The following PDE4D variants were observed in gnomAD, a reference collection of about 807,000 sequenced individuals.
PDE4D encodes 3',5'-cyclic-AMP phosphodiesterase 4D.
Under a neutral mutation model 87.4 loss-of-function variants are expected in PDE4D, and 24 were observed. That is an observed-to-expected ratio of 0.27 (90% CI 0.20 to 0.39). The LOEUF (loss-of-function observed/expected upper bound fraction) is 0.39, where lower values mean the gene tolerates loss of function less well. Ranked by LOEUF, PDE4D falls within the 10% of genes least tolerant of loss-of-function variation. The pLI, the probability that PDE4D is intolerant of heterozygous loss-of-function variation, is 1.00. For missense variants in PDE4D, 714 were observed against 1,041.0 expected (o/e 0.69, Z 4.32); for synonymous variants, 384 against 383.2 (o/e 1.00, Z -0.02).
intron 1 of PDE4D, among the ~76,000 whole-genome samples, chr5:59,757,510 C>T (rs1192095945): frequency 6.6e-6 from 1 of 152,096 alleles, no homozygotes; most frequent in Non-Finnish European, 1.5e-5. Flanking sequence ...TGAAGGCTGG[C>T]AAAGTGGAAA....
intron 2 of PDE4D, among the ~76,000 whole-genome samples, chr5:60,081,877 CAA>C (rs1283116703): frequency 6.6e-6 from 1 of 152,154 alleles, no homozygotes; most frequent in African/African-American, 2.4e-5. Flanking sequence ...AAGTGACTAA[CAA>C]AAGTCTTCTC....
At chr5:59,611,029 G>A (rs1000514095) in intron 1 of PDE4D, among the ~76,000 whole-genome samples, 3 of 152,196 alleles carry the variant, frequency 2.0e-5, no homozygotes, top group Middle Eastern at 6.8e-3. Context: ...AATACATCAT[G>A]GATTCGTACT....
chr5:60,401,832 T>G (rs1480506551), intron 1 of PDE4D, among the ~76,000 whole-genome samples: 3 of 152,242 alleles, frequency 2.0e-5, no homozygotes, highest in Non-Finnish European at 4.4e-5. Flanking sequence ...TCAACAGATA[T>G]GTCTAGCCCA....
In PDE4D at chr5:59,125,342, T is replaced by C. The variant is rs949081336; in HGVS notation, c.808+55253A>G. ...AAGAAATTAACACACCTGAAAAGGA[T>C]TAAATTATTTTTCCTTTTCAAAATG... On this transcript the variant is annotated intron_variant, in intron 5 of 14. Coordinates refer to ENST00000340635, the MANE Select transcript of PDE4D (RefSeq NM_001104631.2). 4 of 869,950 alleles carry C rather than the reference T, an allele frequency of 4.6e-6. No individual in the cohort carries two copies. The East Asian group carries it at 4.8e-4, about 105-fold the overall frequency. The allele number at this position is 869,950 out of a possible 1,614,324, so 53.9% of individuals were successfully genotyped here.
At chr5:59,260,448 A>G (rs917559408) in intron 1 of PDE4D, among the ~76,000 whole-genome samples, 2 of 151,852 alleles carry the variant, frequency 1.3e-5, no homozygotes, top group Non-Finnish European at 2.9e-5. Flanking sequence ...TACATTTCCT[A>G]TATTCTTTCT....
At chr5:59,189,351 G>A (rs908414120) in intron 3 of PDE4D, among the ~76,000 whole-genome samples, 2 of 145,016 alleles carry the variant, frequency 1.4e-5, no homozygotes, top group Non-Finnish European at 3.0e-5. Context: ...CTGGGTTCAA[G>A]TTATTCTCCC....
chr5:59,492,307 A>C (rs1806368807), intron 1 of PDE4D, among the ~76,000 whole-genome samples: 2 of 152,228 alleles, frequency 1.3e-5, no homozygotes, highest in South Asian at 4.1e-4. Context: ...GAATTTATTC[A>C]AGATTACCTA....
At chr5:59,845,218 G>A (rs1391277618) in intron 1 of PDE4D, among the ~76,000 whole-genome samples, 1 of 152,022 alleles carries the variant, frequency 6.6e-6, no homozygotes, top group Non-Finnish European at 1.5e-5. Flanking sequence ...ATAATGAATG[G>A]TGCTTTAAGC....
intron 1 of PDE4D, among the ~76,000 whole-genome samples, chr5:59,831,992 C>T (rs530847932): frequency 1.3e-5 from 2 of 152,200 alleles, no homozygotes; most frequent in Admixed American, 6.5e-5. Flanking sequence ...GGCAGCCATT[C>T]ATATAGAAAT....
intron 1 of PDE4D, among the ~76,000 whole-genome samples, chr5:59,395,541 C>T (rs1365560039): frequency 6.6e-6 from 1 of 151,714 alleles, no homozygotes; most frequent in Non-Finnish European, 1.5e-5. Context: ...AGAAGGAAAA[C>T]TAACAAACAG....
intron 1 of PDE4D, among the ~76,000 whole-genome samples, chr5:60,337,388 T>TATATATATATATATATACACAC (rs66871903): frequency 1.1e-5 from 1 of 89,476 alleles, no homozygotes; most frequent in Non-Finnish European, 2.2e-5. Context: ...TATATATATA[T>TATATATATATATATATACACAC]ACACACACAC....
intron 5 of PDE4D, among the ~76,000 whole-genome samples, chr5:59,084,897 A>G (rs1412484590): frequency 2.6e-5 from 4 of 152,204 alleles, no homozygotes; most frequent in Non-Finnish European, 5.9e-5. Context: ...TTCATCAAAT[A>G]AAGAGAACAA....
intron 2 of PDE4D, among the ~76,000 whole-genome samples, chr5:60,136,011 A>G (rs1229426444): frequency 6.6e-6 from 1 of 152,166 alleles, no homozygotes; most frequent in East Asian, 1.9e-4. Context: ...TTTTCATTGT[A>G]CAGGATATTC....
intron 1 of PDE4D, among the ~76,000 whole-genome samples, chr5:60,407,181 C>G (rs1298144271): frequency 6.6e-6 from 1 of 152,036 alleles, no homozygotes; most frequent in Non-Finnish European, 1.5e-5. Flanking sequence ...GTACCTTTAC[C>G]TATTTTATTA....
At chr5:60,123,410 A>G (rs886936276) in intron 2 of PDE4D, among the ~76,000 whole-genome samples, 2 of 152,206 alleles carry the variant, frequency 1.3e-5, no homozygotes, top group Non-Finnish European at 2.9e-5. Context: ...GGCAGGAGGC[A>G]AAAGGTACTT....
At chr5:59,457,056 G>A (rs1474392108) in intron 1 of PDE4D, among the ~76,000 whole-genome samples, 1 of 152,232 alleles carries the variant, frequency 6.6e-6, no homozygotes, top group Non-Finnish European at 1.5e-5. Flanking sequence ...TGATACAGCA[G>A]CAGTTGGGTT....
intron 2 of PDE4D, among the ~76,000 whole-genome samples, chr5:60,136,024 T>C (rs1397484360): frequency 1.3e-5 from 2 of 152,178 alleles, no homozygotes; most frequent in African/African-American, 4.8e-5. Context: ...GGATATTCCA[T>C]AGGTGGTCTG....
intron 1 of PDE4D, among the ~76,000 whole-genome samples, chr5:59,325,494 T>C (rs1775485683): frequency 6.6e-6 from 1 of 152,174 alleles, no homozygotes; most frequent in Admixed American, 6.6e-5. Flanking sequence ...TATTAAACAG[T>C]GACACCTTTG....
At chr5:60,412,979 A>G (rs370107873) in intron 1 of PDE4D, among the ~76,000 whole-genome samples, 29 of 152,324 alleles carry the variant, frequency 1.9e-4, no homozygotes, top group African/African-American at 7.0e-4. Context: ...ACCAGGATTT[A>G]GATCCACTTC....
Sources: allele counts gnomAD v4.1 joint callset (sites outside exome capture counted in the v4.1 genomes callset), GRCh38; gene constraint gnomAD v4.1.1; transcripts MANE v1.5; gene names NCBI Gene and HGNC (gene_info 2026-07-23, HGNC 2026-07-21).